The following ARHGEF7 variants were observed in gnomAD, a reference collection of about 807,000 sequenced individuals.
The protein encoded by ARHGEF7 is PAK-interacting exchange factor beta.
Under a neutral mutation model 109.8 loss-of-function variants are expected in ARHGEF7, and 33 were observed. That is an observed-to-expected ratio of 0.30 (90% confidence interval 0.23 to 0.40). The LOEUF (loss-of-function observed/expected upper bound fraction) is 0.40, where lower values mean the gene tolerates loss of function less well. ARHGEF7 is among the 10% of genes least tolerant of loss of function. The probability of loss-of-function intolerance (pLI) is 1.00; values close to 1 mark genes in which losing one functional copy is unlikely to be tolerated. For synonymous variants in ARHGEF7, 458 were observed against 424.6 expected (o/e 1.08, Z -0.97); for missense variants, 938 against 1,098.5 (o/e 0.85, Z 2.07).
intron 18 of ARHGEF7, among the ~76,000 whole-genome samples, chr13:111,290,567 A>G (rs951525842): frequency 2.7e-5 from 4 of 147,140 alleles, no homozygotes; most frequent in Non-Finnish European, 1.5e-5. Context: ...TATGTGTCAT[A>G]GTGCCCACCA....
chr13:111,248,682 G>A (rs1400193995), intron 8 of ARHGEF7, among the ~76,000 whole-genome samples: 1 of 152,068 alleles, frequency 6.6e-6, no homozygotes, highest in Non-Finnish European at 1.5e-5. Flanking sequence ...TTCAGTTCTA[G>A]AATTTGTTTC....
chr13:111,131,899 G>T lies in ARHGEF7; in HGVS notation c.165+16208G>T, dbSNP rs906323001. On this transcript the variant is annotated intron_variant, in intron 1 of 21. Transcript: ENST00000646102. This position sits in a 1 kb window ranked among gnomAD's most constrained non-coding sequence, Gnocchi z 4.4. ...GGGGCTGGGAGGGAGCCTGGCAGTC[G>T]CAGAGGGGAGTGGAAATGTTGGAAT... Among the ~76,000 whole-genome samples the T allele has an allele frequency of 6.6e-6, 1 of 152,208 alleles. No individual in the cohort carries two copies. The highest frequency in any genetic ancestry group is 2.4e-5 in the African/African-American group (1 of 41,448).
At chr13:111,146,741 T>C (rs1003435832) in intron 1 of ARHGEF7, among the ~76,000 whole-genome samples, 3 of 152,186 alleles carry the variant, frequency 2.0e-5, no homozygotes, top group African/African-American at 7.2e-5. Context: ...TCTGCTTTGG[T>C]TGAGGGTGGA....
intron 8 of ARHGEF7, among the ~76,000 whole-genome samples, chr13:111,259,635 C>T (rs1263383452): frequency 1.3e-5 from 2 of 152,164 alleles, no homozygotes; most frequent in Non-Finnish European, 2.9e-5. Context: ...ACTGGAAAGC[C>T]TTCCCAAGAA....
chr13:111,292,056 T>TC, intron 18 of ARHGEF7, 62 bp from the exon 19 acceptor site: 1 of 1,430,162 alleles, frequency 7.0e-7, no homozygotes, highest in Non-Finnish European at 9.7e-7. Context: ...TTGTGGCTCT[T>TC]CCTGTCGTTC....
rs776602289 is a variant in ARHGEF7, at chr13:111,275,550, C to T, written c.1291C>T (p.Arg431Trp). Residue 431 changes from arginine (R) to tryptophan (W), a missense_variant, in exon 12 of 22, where the codon CGG becomes TGG. By Grantham distance (101) the Arg-to-Trp change is moderately radical (BLOSUM62 -3). Around this residue, in one of 4 missense-constraint regions of ARHGEF7, gnomAD observed 585 missense variants for 723.6 expected, o/e 0.81. Coordinates refer to ENST00000646102, the MANE Select transcript of ARHGEF7 (RefSeq NM_001354046.2). ...CTGTCAGGCCCAATGTCAAGAAGTC[C>T]GGAAGAGGAAAGAGCTTGAGCTGCA... ...KNLSAQCQEV[R>W]KRKELELQIL... 4.3e-6 allele frequency: 7 copies of T among 1,613,740 alleles called. No individual in the cohort carries two copies. The highest frequency in any genetic ancestry group is 5.9e-6 in the Non-Finnish European group (7 of 1,179,920).
chr13:111,185,961 C>CGTGTGTGT (rs71127998), intron 2 of ARHGEF7, among the ~76,000 whole-genome samples: 10,947 of 135,736 alleles, frequency 0.081, 564 homozygotes, highest in Middle Eastern at 0.14. Flanking sequence ...TTTGGGAGCT[C>CGTGTGTGT]GTGTGTGTGT....
At chr13:111,287,283 G>T (rs1437206887) in intron 17 of ARHGEF7, among the ~76,000 whole-genome samples, 3 of 152,210 alleles carry the variant, frequency 2.0e-5, no homozygotes, top group Non-Finnish European at 4.4e-5. Context: ...AGTGGAGCTG[G>T]TGCTGGATGC....
At chr13:111,201,017 C>T (rs149408797) in intron 2 of ARHGEF7, among the ~76,000 whole-genome samples, 17 of 152,154 alleles carry the variant, frequency 1.1e-4, no homozygotes, top group African/African-American at 3.4e-4. Context: ...TAATGAAGTT[C>T]GGCCTTCAAT....
chr13:111,190,444 G>A (rs143611083), intron 2 of ARHGEF7, among the ~76,000 whole-genome samples: 339 of 152,140 alleles, frequency 2.2e-3, no homozygotes, highest in Non-Finnish European at 3.5e-3. Context: ...TCAGCAGTGA[G>A]GAGGTCTAGG....
intron 12 of ARHGEF7, among the ~76,000 whole-genome samples, chr13:111,277,051 T>A (rs2092529507): frequency 6.6e-6 from 1 of 152,180 alleles, no homozygotes; most frequent in African/African-American, 2.4e-5. Flanking sequence ...GAGTCGACAT[T>A]TGGGAGGTTT....
rs115190982 is a variant in ARHGEF7 at position 111,150,160 on chromosome 13, G to T, written c.166-3745G>T. 1.6e-3 allele frequency among the ~76,000 whole-genome samples: 240 copies of T among 152,324 alleles called. 1 individual carries two copies. Among genetic ancestry groups the T allele is most frequent in the African/African-American group, 5.6e-3 (233 of 41,564 alleles). ...AAAATTGGTTCAGCCTTGTCTGCCTGGCTTTTTGCCTCAAATCTTTAAGCA... is the reference window on the plus strand; with the variant it reads ...AAAATTGGTTCAGCCTTGTCTGCCTTGCTTTTTGCCTCAAATCTTTAAGCA... On this transcript the variant is annotated intron_variant, in intron 1 of 21. Coordinates refer to ENST00000646102, the MANE Select transcript of ARHGEF7 (RefSeq NM_001354046.2).
At chr13:111,280,399 G>A (rs369089175) in intron 14 of ARHGEF7, 49 bp downstream of exon 14, 3 of 1,588,634 alleles carry the variant, frequency 1.9e-6, no homozygotes, top group Admixed American at 1.7e-5. Context: ...AGGAGAGGCA[G>A]CTTGTCCCCG....
At chr13:111,292,038 T>C in intron 18 of ARHGEF7, 80 bp from the exon 19 acceptor site, 1 of 1,203,826 alleles carries the variant, frequency 8.3e-7, no homozygotes, top group Non-Finnish European at 1.2e-6. Flanking sequence ...TTTTGTTCCA[T>C]GTTTTGGTTG....
chr13:111,210,845 TGAAGGGTCCATG>T (rs2082407316), intron 4 of ARHGEF7, among the ~76,000 whole-genome samples: 1 of 152,226 alleles, frequency 6.6e-6, no homozygotes, highest in South Asian at 2.1e-4. Flanking sequence ...TCTAGAGTCA[TGAAGGGTCCATG>T]GATTTTCCTC....
intron 2 of ARHGEF7, among the ~76,000 whole-genome samples, chr13:111,161,130 A>T (rs1397764734): frequency 3.9e-5 from 6 of 152,202 alleles, no homozygotes; most frequent in Non-Finnish European, 8.8e-5. Context: ...CTGAAATACA[A>T]AACACTTCTG....
At chr13:111,277,756 G>T in intron 13 of ARHGEF7, 83 bp downstream of exon 13, 2 of 945,418 alleles carry the variant, frequency 2.1e-6, no homozygotes, top group African/African-American at 1.6e-5. Context: ...TAAATATTAC[G>T]TGTATCTATC....
chr13:111,144,398 A>G (rs922170458), intron 1 of ARHGEF7: 10 of 152,262 alleles, frequency 6.6e-5, no homozygotes, highest in African/African-American at 1.7e-4. Flanking sequence ...GGTATTTAGC[A>G]GTCAAATCCT....
chr13:111,223,080 A>G (rs950895040), intron 5 of ARHGEF7, among the ~76,000 whole-genome samples: 5 of 152,242 alleles, frequency 3.3e-5, no homozygotes, highest in African/African-American at 9.6e-5. Context: ...ATGGGAAAAC[A>G]TAGTATATAT....
Sources: allele counts gnomAD v4.1 joint callset (sites outside exome capture counted in the v4.1 genomes callset), GRCh38; gene constraint gnomAD v4.1.1; regional missense constraint gnomAD v4.1.1; non-coding constraint Gnocchi (gnomAD v3.1); transcripts MANE v1.5; gene names NCBI Gene and HGNC (gene_info 2026-07-23, HGNC 2026-07-21).